The following CSPG5 variants were observed in gnomAD, a reference collection of about 807,000 sequenced individuals.
CSPG5 encodes the protein chondroitin sulfate proteoglycan 5.
A neutral mutation model predicts 39.8 loss-of-function variants in CSPG5; 25 were observed. The ratio of observed to expected loss-of-function variants is 0.63; its 90% CI spans 0.46 to 0.88. CSPG5 has a LOEUF of 0.88. Ranked by LOEUF, CSPG5 falls within the 40% of genes least tolerant of loss-of-function variation. The pLI is 0.00. For missense variants in CSPG5, 627 were observed against 702.2 expected (o/e 0.89, Z 1.21); for synonymous variants, 295 against 303.9 (o/e 0.97, Z 0.31).
chr3:47,570,285 G>A (rs200628568), intron 3 of CSPG5, among the ~76,000 whole-genome samples: 1 of 89,890 alleles, frequency 1.1e-5, no homozygotes, highest in African/African-American at 4.3e-5. Context: ...TTTTTTTTTT[G>A]TAAAGATGAG....
Position 47,577,191 on chromosome 3 carries a change from C to G in CSPG5, c.835G>C (p.Glu279Gln). Residue 279 changes from glutamate to glutamine, a missense_variant, in exon 2 of 5, where the codon GAG (glutamate) becomes CAG (glutamine). By Grantham distance (29) the Glu-to-Gln change is conservative. Transcript: ENST00000264723. This position sits in a 1 kb window ranked among gnomAD's most constrained non-coding sequence, Gnocchi z 4.7. Reference protein sequence around the residue: ...TSFYDDLDEEEEEEEDDKDAV... With the variant: ...TSFYDDLDEEQEEEEDDKDAV... ...TCTTTGTCATCCTCCTCTTCCTCCT[C>G]CTCTTCATCCAAGTCATCATAAAAG... 6.2e-7 allele frequency: 1 copy of G among 1,608,592 alleles called. No homozygotes were observed. The highest frequency in any genetic ancestry group is 8.5e-7 in the Non-Finnish European group (1 of 1,177,300).
chr3:47,569,617 T>A (rs1253416919), intron 3 of CSPG5, among the ~76,000 whole-genome samples: 1 of 151,292 alleles, frequency 6.6e-6, no homozygotes, highest in Non-Finnish European at 1.5e-5. Flanking sequence ...AAAAAAAAAA[T>A]TACAAAAAAT....
At chr3:47,570,761 C>T (rs947877633) in intron 3 of CSPG5, among the ~76,000 whole-genome samples, 1 of 151,576 alleles carries the variant, frequency 6.6e-6, no homozygotes, top group African/African-American at 2.4e-5. Context: ...CCATCGTGAT[C>T]CACCTGCCTC....
chr3:47,564,815 C>G (rs975438874), intron 4 of CSPG5, among the ~76,000 whole-genome samples: 2 of 151,888 alleles, frequency 1.3e-5, no homozygotes, highest in South Asian at 2.1e-4. Flanking sequence ...GTGTACTTTA[C>G]GGAGAGGGAG....
chr3:47,565,863 T>C (rs1395201341), intron 4 of CSPG5, among the ~76,000 whole-genome samples: 1 of 152,196 alleles, frequency 6.6e-6, no homozygotes, highest in Admixed American at 6.5e-5. Context: ...GGTGGCTTCA[T>C]TCACGCAGTG....
intron 2 of CSPG5, among the ~76,000 whole-genome samples, chr3:47,575,240 A>T (rs1457376658): frequency 6.6e-6 from 1 of 152,216 alleles, no homozygotes; most frequent in African/African-American, 2.4e-5. Context: ...AGCCTGGCCA[A>T]TATGGTGAAA....
chr3:47,574,440 AT>A (rs915755827), intron 2 of CSPG5, among the ~76,000 whole-genome samples: 5 of 152,174 alleles, frequency 3.3e-5, no homozygotes, highest in African/African-American at 1.2e-4. Context: ...CCCAAACTGA[AT>A]TTTGAGGAGC....
At chr3:47,568,895 G>T (rs965574285) in intron 4 of CSPG5, among the ~76,000 whole-genome samples, 3 of 152,054 alleles carry the variant, frequency 2.0e-5, no homozygotes, top group African/African-American at 7.2e-5. Flanking sequence ...CGAAAATTCT[G>T]CTTGTCAAAT....
intron 4 of CSPG5, among the ~76,000 whole-genome samples, chr3:47,568,016 A>T (rs1392766537): frequency 6.6e-6 from 1 of 152,234 alleles, no homozygotes; most frequent in African/African-American, 2.4e-5. Context: ...TGTAGTAGAC[A>T]GAGCAGATAT....
Position 47,577,573 on chromosome 3 carries a change from C to T in CSPG5, c.453G>A (p.Gly151=), listed in dbSNP as rs772769426. The change falls in exon 2 of 5, where the codon GGG becomes GGA. Residue 151 remains glycine, a synonymous_variant. Coordinates refer to ENST00000264723, the MANE Select transcript of CSPG5 (RefSeq NM_006574.4). The surrounding 1 kb of genome is among the most constrained non-coding windows in gnomAD (Gnocchi z 4.7). ...PAIPEATEAS[G]PPSPTPGDKL... The stretch of plus-strand genomic sequence containing the variant: ...TGTCGCCGGGGGTGGGGGAGGGTGG[C>T]CCGCTGGCCTCTGTAGCCTCAGGAA... The T allele has an allele frequency of 1.8e-4, 293 of 1,610,554 alleles. No individual in the cohort carries two copies. Among genetic ancestry groups the T allele is most frequent in the Non-Finnish European group, 2.4e-4 (285 of 1,179,186 alleles).
In CSPG5 at chr3:47,562,690, G is replaced by A. The variant is rs1369121468; in HGVS notation, c.1530C>T (p.Asn510=). 1.9e-6 allele frequency: 3 copies of A among 1,612,806 alleles called. No individual in the cohort carries two copies. Among genetic ancestry groups the A allele is most frequent in the East Asian group, 2.2e-5 (1 of 44,798 alleles). ...GTTTGGGCGACATGGAGTTCTGGATGTTAAATGACTCCTCCTCTTTCAGGC... is the reference window on the plus strand; with the variant it reads ...GTTTGGGCGACATGGAGTTCTGGATATTAAATGACTCCTCCTCTTTCAGGC... ...KSCLKEEESF[N]IQNSMSPKLE... Residue 510 remains asparagine (N), a synonymous_variant, in exon 5 of 5, where the codon AAC becomes AAT. Transcript: ENST00000264723.
chr3:47,574,349 T>G (rs1320849971), intron 2 of CSPG5, among the ~76,000 whole-genome samples: 1 of 152,098 alleles, frequency 6.6e-6, no homozygotes, highest in Non-Finnish European at 1.5e-5. Context: ...AGGTGAAAAT[T>G]CCAGGCCTCC....
Position 47,576,867 on chromosome 3 carries a change from A to G in CSPG5, c.1159T>C (p.Cys387Arg). 6.3e-7 allele frequency: 1 copy of G among 1,583,238 alleles called. No individual in the cohort carries two copies. Among genetic ancestry groups the G allele is most frequent in the Non-Finnish European group, 8.6e-7 (1 of 1,162,496 alleles). The change falls in exon 2 of 5, where the codon TGC becomes CGC. Residue 387 changes from cysteine (C) to arginine (R), a missense_variant. By Grantham distance (180) the Cys-to-Arg change is radical. Transcript: ENST00000264723. ...FPSYCHNGGQCYLVENIGAFC... is the reference protein window; with the variant it reads ...FPSYCHNGGQRYLVENIGAFC... ...GCCCCTATGTTCTCCACCAGGTAGC[A>G]CTGGCCGCCATTGTGACAGTAACTT...
intron 4 of CSPG5, among the ~76,000 whole-genome samples, chr3:47,565,484 GGCATAA>G (rs774574897): frequency 6.6e-6 from 1 of 152,096 alleles, no homozygotes; most frequent in Non-Finnish European, 1.5e-5. Flanking sequence ...ATCAACATCT[GGCATAA>G]GTTCCTAGGA....
At position 47,578,093 on chromosome 3, in the gene CSPG5, A is replaced by C; in HGVS notation, c.98-165T>G. The C allele has an allele frequency of 9.3e-7, 1 of 1,080,058 alleles. No individual in the cohort carries two copies. The highest frequency in any genetic ancestry group is 1.2e-6 in the Non-Finnish European group (1 of 838,494). The allele number at this position is 1,080,058 out of a possible 1,614,324, so 66.9% of individuals were successfully genotyped here. A position where few individuals can be genotyped will look rare whatever the true frequency, so the allele number is the denominator to read the frequency against. On this transcript the variant is annotated intron_variant, in intron 1 of 4. Transcript: ENST00000264723. The surrounding 1 kb of genome is among the most constrained non-coding windows in gnomAD (Gnocchi z 6.0). ...GTGACCCCAGCCACCCGGTACCTCTAAGCCCCGTCCCGGAGTCTGCCCCCA... is the reference window on the plus strand; with the variant it reads ...GTGACCCCAGCCACCCGGTACCTCTCAGCCCCGTCCCGGAGTCTGCCCCCA...
intron 4 of CSPG5, among the ~76,000 whole-genome samples, chr3:47,563,666 G>A (rs1479619906): frequency 1.3e-5 from 2 of 151,948 alleles, no homozygotes; most frequent in African/African-American, 4.8e-5. Context: ...AGGGATTCTC[G>A]TGCCTCAGTC....
At chr3:47,570,440 G>T (rs926454562) in intron 3 of CSPG5, among the ~76,000 whole-genome samples, 4 of 151,482 alleles carry the variant, frequency 2.6e-5, no homozygotes, top group Admixed American at 6.6e-5. Flanking sequence ...ACCATTATTT[G>T]ATGTACCATT....
intron 4 of CSPG5, among the ~76,000 whole-genome samples, chr3:47,563,975 C>T (rs916210710): frequency 3.3e-5 from 5 of 152,244 alleles, no homozygotes; most frequent in Admixed American, 2.0e-4. Context: ...TTTAGGACCA[C>T]CTAAGGGGAA....
intron 4 of CSPG5, among the ~76,000 whole-genome samples, chr3:47,563,942 C>A (rs1367963174): frequency 1.3e-5 from 2 of 152,238 alleles, no homozygotes; most frequent in Non-Finnish European, 2.9e-5. Flanking sequence ...ACTTCTGTGG[C>A]AAATCTTGCT....
Sources: allele counts gnomAD v4.1 joint callset (sites outside exome capture counted in the v4.1 genomes callset), GRCh38; gene constraint gnomAD v4.1.1; non-coding constraint Gnocchi (gnomAD v3.1); transcripts MANE v1.5; gene names NCBI Gene and HGNC (gene_info 2026-07-23, HGNC 2026-07-21).